The following DIS3L variants were observed in gnomAD, a reference collection of about 807,000 sequenced individuals.
DIS3L encodes DIS3 like exosome 3'-5' exoribonuclease.
In DIS3L, 100 loss-of-function variants were observed where a neutral mutation model predicts 120.3. The ratio of observed to expected loss-of-function variants is 0.83; its 90% CI spans 0.71 to 0.98. The LOEUF is 0.98. DIS3L is among the 50% of genes least tolerant of loss of function. The pLI is 0.00. For missense variants in DIS3L, 1,196 were observed against 1,314.2 expected (o/e 0.91, Z 1.39); for synonymous variants, 426 against 470.6 (o/e 0.91, Z 1.23).
chr15:66,309,956 T>C (rs2092744077), intron 4 of DIS3L, among the ~76,000 whole-genome samples: 1 of 152,196 alleles, frequency 6.6e-6, no homozygotes, highest in Non-Finnish European at 1.5e-5. Context: ...TTGGGCTGTC[T>C]CAGCAACGCA....
In DIS3L at chr15:66,331,955, G is replaced by T. The variant is rs2093002859; in HGVS notation, c.2616G>T (p.Glu872Asp). The change falls in exon 15 of 17, where the codon GAG becomes GAT. Residue 872 changes from glutamate (E) to aspartate (D), a missense_variant. Coordinates refer to ENST00000319212, the MANE Select transcript of DIS3L (RefSeq NM_001143688.3). ...AAGACAAAGACCCTGCCACCGAGGA[G>T]CGTTGCATATCTGACGGAGTTATTT... ...YFKDKDPATE[E>D]RCISDGVIYS... 1 of 1,613,468 alleles carries T rather than the reference G, an allele frequency of 6.2e-7. No individual in the cohort carries two copies. Among genetic ancestry groups the T allele is most frequent in the African/African-American group, 1.3e-5 (1 of 74,918 alleles).
chr15:66,293,484 G>A, upstream of DIS3L: 2 of 1,234,056 alleles, frequency 1.6e-6, no homozygotes, highest in South Asian at 3.0e-5. Flanking sequence ...CCCCGGGCGC[G>A]GCAGTTACGG....
Position 66,311,828 on chromosome 15 carries a change from T to A in DIS3L, c.663T>A (p.His221Gln). 6.2e-7 allele frequency: 1 copy of A among 1,614,038 alleles called. No homozygotes were observed. The highest frequency in any genetic ancestry group is 8.5e-7 in the Non-Finnish European group (1 of 1,179,996). Residue 221 changes from histidine to glutamine, a missense_variant, in exon 5 of 17, where the codon CAT (histidine) becomes CAA (glutamine). Transcript: ENST00000319212. ...RERENESQES[H>Q]GKEYPEHLPL... ...GAGAGAATGAGAGTCAGGAGAGCCA[T>A]GGGAAGGAGTACCCAGAACATCTTC... is the stretch of plus-strand genomic sequence containing the variant.
intron 2 of DIS3L, among the ~76,000 whole-genome samples, chr15:66,298,179 CAAAAAA>C (rs11419116): frequency 4.3e-5 from 2 of 45,978 alleles, no homozygotes; most frequent in African/African-American, 9.1e-5. Flanking sequence ...GACTCCGTCT[CAAAAAA>C]AAAAAAAAAA....
At position 66,330,812 on chromosome 15, in the gene DIS3L, A is replaced by G. The variant is rs190944843; in HGVS notation, c.2536-1063A>G. 3.0e-4 allele frequency among the ~76,000 whole-genome samples: 45 copies of G among 152,338 alleles called. No individual in the cohort carries two copies. In the East Asian group the frequency reaches 7.7e-3, roughly 26 times the overall value. On this transcript the variant is annotated intron_variant, in intron 14 of 16. Transcript: ENST00000319212. ...ACAGACATTTCAGATGATTTCCTGG[A>G]AAAATTCCTAGAAATGGAATTGCTG...
intron 1 of DIS3L, chr15:66,294,270 C>G (rs1436672190): frequency 3.0e-6 from 3 of 985,322 alleles, no homozygotes; most frequent in Non-Finnish European, 3.6e-6. Context: ...CGCACTGGAG[C>G]GGAAGGTCAC....
Position 66,325,971 on chromosome 15 carries a change from T to C in DIS3L, c.1808T>C (p.Val603Ala). The change falls in exon 12 of 17, where the codon GTT becomes GCT. Residue 603 changes from valine (V) to alanine (A), a missense_variant. Physicochemically the swap from Val to Ala is moderately conservative, Grantham distance 64. Transcript: ENST00000319212. Reference sequence around the variant, plus strand: ...GAACTACTGGATGGAAACTTAAGCGTTGTTGATGATATTCCAGAATTCAAA... The same window carrying C: ...GAACTACTGGATGGAAACTTAAGCGCTGTTGATGATATTCCAGAATTCAAA... ...AQELLDGNLS[V>A]VDDIPEFKDL... The C allele has an allele frequency of 1.2e-6, 2 of 1,614,146 alleles. No individual in the cohort carries two copies. Among genetic ancestry groups the C allele is most frequent in the Non-Finnish European group, 1.7e-6 (2 of 1,180,028 alleles).
At chr15:66,318,410 T>C (rs765990874) in intron 7 of DIS3L, 39 bp from the exon 8 acceptor site, 30 of 1,602,478 alleles carry the variant, frequency 1.9e-5, no homozygotes, top group South Asian at 1.7e-4. Context: ...AGATGGCACC[T>C]AACCAGTTAA....
chr15:66,304,110 AAAC>A (rs1318256992), intron 2 of DIS3L, among the ~76,000 whole-genome samples: 6,642 of 141,120 alleles, frequency 0.047, 205 homozygotes, highest in Middle Eastern at 0.08. Flanking sequence ...AAAAAAAAAA[AAAC>A]AATATGGCAT....
chr15:66,293,795 G>A (rs1162010409), intron 1 of DIS3L, 60 bp downstream of exon 1: 2 of 1,107,874 alleles, frequency 1.8e-6, no homozygotes, highest in Non-Finnish European at 1.1e-6. Context: ...GCAGTGAGGG[G>A]CTGAGCGCGG....
intron 1 of DIS3L, chr15:66,294,079 G>T (rs1566930016): frequency 5.1e-6 from 5 of 986,164 alleles, no homozygotes; most frequent in East Asian, 1.1e-4. Context: ...ACCTCGCGCC[G>T]TGGAGAAATG....
At chr15:66,320,422 C>CAAAA in intron 8 of DIS3L, 149 bp from the exon 9 acceptor site, 2 of 685,346 alleles carry the variant, frequency 2.9e-6, no homozygotes, top group South Asian at 3.2e-5. Flanking sequence ...GAATGAAAAA[C>CAAAA]AAAAAAAAAA....
chr15:66,306,769 T>C (rs1395494376), intron 2 of DIS3L, 55 bp from the exon 3 acceptor site: 1 of 1,606,420 alleles, frequency 6.2e-7, no homozygotes, highest in Non-Finnish European at 8.5e-7. Flanking sequence ...TAGCAAGAGA[T>C]AGCAGTGGAT....
chr15:66,328,460 C>T (rs916615703), intron 12 of DIS3L, among the ~76,000 whole-genome samples: 1 of 152,086 alleles, frequency 6.6e-6, no homozygotes, highest in Non-Finnish European at 1.5e-5. Flanking sequence ...GAGGCCGAGG[C>T]AGGAGGATCA....
chr15:66,306,756 C>T (rs2092706364), intron 2 of DIS3L, 68 bp from the exon 3 acceptor site: 9 of 1,589,410 alleles, frequency 5.7e-6, no homozygotes, highest in Admixed American at 1.8e-5. Context: ...CTTTTTTGAT[C>T]CTTAGCAAGA....
At position 66,325,803 on chromosome 15, in the gene DIS3L, G is replaced by A. The variant is rs762522606; in HGVS notation, c.1668-28G>A. ...AAAAAGCCAGATGAATTTGAATAGT[G>A]ATGTTGTCAATGTTACTGTTTTTGT... is the stretch of plus-strand genomic sequence containing the variant. On this transcript the variant is annotated intron_variant, in intron 11 of 16. Transcript: ENST00000319212. 3.8e-6 allele frequency: 6 copies of A among 1,564,782 alleles called. No individual in the cohort carries two copies. The African/African-American group carries it at 6.9e-5, about 18-fold the overall frequency.
chr15:66,319,266 A>G (rs2092854700), intron 8 of DIS3L, among the ~76,000 whole-genome samples: 2 of 152,190 alleles, frequency 1.3e-5, no homozygotes, highest in South Asian at 4.1e-4. Context: ...AAAATTCTAA[A>G]TATATGAAAA....
chr15:66,331,845 T>C, intron 14 of DIS3L, 30 bp from the exon 15 acceptor site: 1 of 1,520,182 alleles, frequency 6.6e-7, no homozygotes, highest in Non-Finnish European at 8.8e-7. Flanking sequence ...AGGGGAGTGT[T>C]AAAATGCTTT....
At chr15:66,300,375 G>A (rs991736176) in intron 2 of DIS3L, among the ~76,000 whole-genome samples, 1 of 152,176 alleles carries the variant, frequency 6.6e-6, no homozygotes, top group Non-Finnish European at 1.5e-5. Flanking sequence ...TAGATTAGTG[G>A]TTGCCGGGGG....
Sources: gnomAD v4.1 joint callset for allele counts (sites outside exome capture counted in the v4.1 genomes callset) on GRCh38, gnomAD v4.1.1 for gene constraint, MANE v1.5 for transcripts, NCBI Gene and HGNC (gene_info 2026-07-23, HGNC 2026-07-21) for gene names.